Variants in ARID2 observed in about 807,000 individuals in gnomAD.
ARID2 encodes AT-rich interaction domain 2.
Under a neutral mutation model 184.6 loss-of-function variants are expected in ARID2, and 32 were observed. The observed-to-expected ratio is 0.17, with a 90% CI of 0.13 to 0.23. ARID2 has a LOEUF of 0.23. Ranked by LOEUF, ARID2 falls within the 10% of genes least tolerant of loss-of-function variation. The pLI, the probability that ARID2 is intolerant of heterozygous loss-of-function variation, is 1.00. For synonymous variants in ARID2, 836 were observed against 772.6 expected (o/e 1.08, Z -1.36); for missense variants, 1,696 against 2,197.6 (o/e 0.77, Z 4.56).
At chr12:45,817,603 T>A (rs1475809778) in intron 4 of ARID2, 67 bp from the exon 5 acceptor site, 4 of 863,262 alleles carry the variant, frequency 4.6e-6, no homozygotes, top group African/African-American at 3.4e-5. Flanking sequence ...TGTTCTGTAT[T>A]CAAGGGATAT....
At chr12:45,761,437 C>A (rs778698596) in intron 3 of ARID2, among the ~76,000 whole-genome samples, 19 of 152,088 alleles carry the variant, frequency 1.2e-4, no homozygotes, top group Non-Finnish European at 2.4e-4. Flanking sequence ...GCATTGTCTG[C>A]CTATAATATG....
intron 6 of ARID2, among the ~76,000 whole-genome samples, chr12:45,828,841 T>C (rs1040085263): frequency 6.6e-6 from 1 of 152,004 alleles, no homozygotes; most frequent in African/African-American, 2.4e-5. Context: ...ATAAAATTTC[T>C]TTTTAAGATG....
intron 3 of ARID2, among the ~76,000 whole-genome samples, chr12:45,744,555 A>G (rs1941321813): frequency 6.6e-6 from 1 of 152,160 alleles, no homozygotes; most frequent in South Asian, 2.1e-4. Context: ...ATTTGGAGGA[A>G]AATTATCTTT....
chr12:45,841,886 G>A (rs1260216420), intron 11 of ARID2: 1 of 151,918 alleles, frequency 6.6e-6, no homozygotes, highest in Non-Finnish European at 1.5e-5. Context: ...TCATCACCCT[G>A]TCAATACTTT....
chr12:45,779,664 T>G (rs1039575764), intron 3 of ARID2, among the ~76,000 whole-genome samples: 1 of 152,124 alleles, frequency 6.6e-6, no homozygotes, highest in Non-Finnish European at 1.5e-5. Flanking sequence ...ATTATTTGGA[T>G]TTTTAGAGTA....
intron 11 of ARID2, chr12:45,841,536 C>T (rs954431009): frequency 1.3e-5 from 2 of 152,152 alleles, no homozygotes; most frequent in Non-Finnish European, 2.9e-5. Flanking sequence ...TTTGGAATTA[C>T]CATCTTTAAA....
At chr12:45,885,442 T>C (rs1338586875) in intron 16 of ARID2, among the ~76,000 whole-genome samples, 2 of 152,142 alleles carry the variant, frequency 1.3e-5, no homozygotes, top group Non-Finnish European at 2.9e-5. Context: ...CCCTTGCATT[T>C]TAAGTCAGGT....
At chr12:45,801,170 C>T (rs539686102) in intron 3 of ARID2, among the ~76,000 whole-genome samples, 5 of 151,860 alleles carry the variant, frequency 3.3e-5, no homozygotes, top group East Asian at 1.9e-4. Context: ...AAATTAGCCA[C>T]GCGCGGTGGT....
intron 3 of ARID2, among the ~76,000 whole-genome samples, chr12:45,809,263 C>T (rs531845878): frequency 3.7e-4 from 57 of 152,250 alleles, no homozygotes; most frequent in African/African-American, 1.3e-3. Context: ...ATGTAAAATA[C>T]CTTTATGAAT....
At chr12:45,761,797 ATTC>A (rs1941686199) in intron 3 of ARID2, among the ~76,000 whole-genome samples, 1 of 151,656 alleles carries the variant, frequency 6.6e-6, no homozygotes, top group Non-Finnish European at 1.5e-5. Flanking sequence ...ATTTTTTCAA[ATTC>A]TTCTTCGTTT....
intron 6 of ARID2, among the ~76,000 whole-genome samples, chr12:45,823,579 T>A (rs549663774): frequency 6.6e-6 from 1 of 151,326 alleles, no homozygotes; most frequent in Admixed American, 6.6e-5. Context: ...GAGAGAAGAC[T>A]CAAATAAAGT....
chr12:45,878,565 A>T (rs556189535), intron 16 of ARID2, among the ~76,000 whole-genome samples: 2 of 151,986 alleles, frequency 1.3e-5, no homozygotes. Context: ...AGTTTTTTTC[A>T]TATTTCTAGC....
chr12:45,801,086 G>T (rs1473993250), intron 3 of ARID2, among the ~76,000 whole-genome samples: 1 of 152,140 alleles, frequency 6.6e-6, no homozygotes, highest in Admixed American at 6.5e-5. Flanking sequence ...GCTGAGGTGG[G>T]CGGATCACGA....
chr12:45,731,420 G>A, intron 3 of ARID2, 106 bp downstream of exon 3: 1 of 740,440 alleles, frequency 1.4e-6, no homozygotes, highest in Non-Finnish European at 2.3e-6. Context: ...CAGTTCTTAA[G>A]CTCTTGTTCA....
At chr12:45,900,867 G>C (rs115567035) in intron 20 of ARID2, among the ~76,000 whole-genome samples, 8 of 152,244 alleles carry the variant, frequency 5.3e-5, no homozygotes, top group African/African-American at 1.7e-4. Context: ...GAGAAGACTA[G>C]TGACATTCTG....
At chr12:45,842,940 T>C (rs1035253788) in intron 11 of ARID2, among the ~76,000 whole-genome samples, 2 of 152,136 alleles carry the variant, frequency 1.3e-5, no homozygotes, top group Admixed American at 6.5e-5. Context: ...TTTTTATAGA[T>C]GTAAATTGAA....
At chr12:45,742,384 A>G (rs560314580) in intron 3 of ARID2, among the ~76,000 whole-genome samples, 2 of 152,326 alleles carry the variant, frequency 1.3e-5, no homozygotes, top group African/African-American at 2.4e-5. Context: ...GCAGCGGGCT[A>G]TGCCTTATAG....
rs567393173 is a variant in ARID2 at position 45,756,196 on chromosome 12, G to A, written c.284+24882G>A. On this transcript the variant is annotated intron_variant, in intron 3 of 20. Transcript: ENST00000334344. ...GCTGGGATTACAGGCATGAGCCAAC[G>A]CGCCCAGCCTAGAATACATTTTCTA... 9.2e-5 allele frequency among the ~76,000 whole-genome samples: 14 copies of A among 152,290 alleles called. No homozygotes were observed. The East Asian group carries it at 2.5e-3, about 27-fold the overall frequency.
chr12:45,889,155 C>G (rs1944248321), intron 16 of ARID2, among the ~76,000 whole-genome samples: 1 of 152,178 alleles, frequency 6.6e-6, no homozygotes, highest in Non-Finnish European at 1.5e-5. Context: ...GCACTCCAGC[C>G]TGGGCAACAG....
Sources: allele counts gnomAD v4.1 joint callset (sites outside exome capture counted in the v4.1 genomes callset), GRCh38; gene constraint gnomAD v4.1.1; transcripts MANE v1.5; gene names NCBI Gene and HGNC (gene_info 2026-07-23, HGNC 2026-07-21).